SORCS1: variants seen among roughly 807,000 people sequenced by gnomAD.
SORCS1 encodes the protein sortilin related VPS10 domain containing receptor 1, also known as VPS10 domain-containing receptor SorCS1.
In SORCS1, 60 loss-of-function variants were observed where a neutral mutation model predicts 146.1. That is an observed-to-expected ratio of 0.41 (90% CI 0.33 to 0.51). SORCS1 has a LOEUF of 0.51. Among genes scored for constraint, SORCS1 ranks in the 20% least tolerant of loss-of-function variants. The pLI is 0.21. For missense variants in SORCS1, 1,352 were observed against 1,487.6 expected (o/e 0.91, Z 1.50); for synonymous variants, 637 against 584.0 (o/e 1.09, Z -1.31).
intron 1 of SORCS1, among the ~76,000 whole-genome samples, chr10:107,109,737 G>T (rs2134445329): frequency 6.6e-6 from 1 of 152,300 alleles, no homozygotes; most frequent in Admixed American, 6.5e-5. Context: ...TCCTGAGAAA[G>T]CTTATCCTTT....
intron 2 of SORCS1, among the ~76,000 whole-genome samples, chr10:106,950,790 C>G (rs1266500093): frequency 6.6e-6 from 1 of 152,128 alleles, no homozygotes; most frequent in Non-Finnish European, 1.5e-5. Flanking sequence ...TAGGCTACTA[C>G]TTGCTAATTG....
At chr10:106,831,242 A>C (rs1187386648) in intron 2 of SORCS1, among the ~76,000 whole-genome samples, 1 of 152,092 alleles carries the variant, frequency 6.6e-6, no homozygotes, top group Non-Finnish European at 1.5e-5. Context: ...ATAGACATAA[A>C]ATGATATAAA....
At chr10:106,642,461 G>C (rs1849136940) in intron 18 of SORCS1, among the ~76,000 whole-genome samples, 1 of 152,090 alleles carries the variant, frequency 6.6e-6, no homozygotes, top group Non-Finnish European at 1.5e-5. Context: ...ATTGATATCA[G>C]AAATGGGGCA....
Position 107,164,017 on chromosome 10 carries a change from G to A in SORCS1, c.510C>T (p.Asp170=). The part of the protein sequence containing the change: ...LTSTTFALTG[D]SAHNQAMVHW... The stretch of plus-strand genomic sequence containing the variant: ...GGACCATGGCTTGGTTGTGTGCTGA[G>A]TCTCCCGTCAGCGCAAACGTGGTGC... The change falls in exon 1 of 26, where the codon GAC becomes GAT. Residue 170 remains aspartate (D), a synonymous_variant. Coordinates refer to ENST00000263054, the MANE Select transcript of SORCS1 (RefSeq NM_052918.5). The surrounding 1 kb of genome is among the most constrained non-coding windows in gnomAD (Gnocchi z 6.8). The A allele has an allele frequency of 6.2e-7, 1 of 1,614,068 alleles. No individual in the cohort carries two copies. The highest frequency in any genetic ancestry group is 2.2e-5 in the East Asian group (1 of 44,868).
intron 2 of SORCS1, among the ~76,000 whole-genome samples, chr10:106,927,382 C>G (rs185298280): frequency 6.6e-6 from 1 of 152,100 alleles, no homozygotes; most frequent in African/African-American, 2.4e-5. Context: ...CCGGTGGGTT[C>G]GTGGTCTCGT....
At chr10:106,924,202 C>T (rs571684546) in intron 2 of SORCS1, among the ~76,000 whole-genome samples, 11 of 148,030 alleles carry the variant, frequency 7.4e-5, no homozygotes, top group Admixed American at 4.8e-4. Context: ...TGCAGTGAGC[C>T]GAAATCGTGC....
chr10:106,860,418 G>A (rs950517331), intron 2 of SORCS1, among the ~76,000 whole-genome samples: 16 of 152,108 alleles, frequency 1.1e-4, no homozygotes, highest in East Asian at 3.9e-4. Context: ...TGAATTATGC[G>A]GTTTATGAAT....
At chr10:106,620,395 T>C in intron 20 of SORCS1, 33 bp downstream of exon 20, 3 of 1,593,958 alleles carry the variant, frequency 1.9e-6, no homozygotes, top group Non-Finnish European at 2.6e-6. Flanking sequence ...ATTGAGCTTC[T>C]GTCCCTAGAT....
intron 1 of SORCS1, among the ~76,000 whole-genome samples, chr10:107,082,668 T>C (rs561209995): frequency 2.9e-4 from 44 of 152,088 alleles, no homozygotes; most frequent in African/African-American, 9.2e-4. Flanking sequence ...TTTTGGTAGA[T>C]ACCGGGTTTC....
intron 2 of SORCS1, among the ~76,000 whole-genome samples, chr10:106,838,299 A>C (rs984086505): frequency 6.6e-6 from 1 of 152,162 alleles, no homozygotes; most frequent in Non-Finnish European, 1.5e-5. Flanking sequence ...GAGCAGTTTC[A>C]GGTCCACAGC....
At chr10:106,968,053 A>G (rs1205998358) in intron 1 of SORCS1, among the ~76,000 whole-genome samples, 1 of 151,788 alleles carries the variant, frequency 6.6e-6, no homozygotes, top group East Asian at 1.9e-4. Context: ...AGAAAAAAAA[A>G]AAAAAAGTTA....
intron 8 of SORCS1, among the ~76,000 whole-genome samples, chr10:106,700,782 A>G (rs1367824790): frequency 1.3e-5 from 2 of 152,228 alleles, no homozygotes; most frequent in South Asian, 2.1e-4. Context: ...GGAGAAGTCC[A>G]TATCCAAAGG....
upstream of SORCS1, among the ~76,000 whole-genome samples, chr10:107,164,785 C>A (rs1242293616): frequency 6.7e-6 from 1 of 148,282 alleles, no homozygotes; most frequent in Non-Finnish European, 1.5e-5. The surrounding 1 kb of genome is among the most constrained non-coding windows in gnomAD (Gnocchi z 6.8). Flanking sequence ...GGAGCGGGCG[C>A]GGGCGCTGGC....
chr10:106,850,723 C>T (rs1373453562), intron 2 of SORCS1, among the ~76,000 whole-genome samples: 2 of 152,178 alleles, frequency 1.3e-5, no homozygotes, highest in African/African-American at 4.8e-5. Context: ...CAATATTCCT[C>T]AGAGCTCCAA....
intron 2 of SORCS1, among the ~76,000 whole-genome samples, chr10:106,895,867 CT>C (rs2137975273): frequency 6.6e-6 from 1 of 152,222 alleles, no homozygotes; most frequent in Non-Finnish European, 1.5e-5. Context: ...ACAATAGCAA[CT>C]CAACTACTCA....
chr10:106,985,639 C>T (rs1000635118), intron 1 of SORCS1, among the ~76,000 whole-genome samples: 5 of 151,246 alleles, frequency 3.3e-5, no homozygotes, highest in East Asian at 1.9e-4. Flanking sequence ...CGGGTTCAAG[C>T]GATTCTCCTG....
chr10:107,152,184 G>A (rs1485872787), intron 1 of SORCS1, among the ~76,000 whole-genome samples: 1 of 152,206 alleles, frequency 6.6e-6, no homozygotes, highest in Non-Finnish European at 1.5e-5. Context: ...CCCTGTGGGT[G>A]TGCAGAAGAC....
chr10:106,912,257 G>C (rs2138256164), intron 2 of SORCS1, among the ~76,000 whole-genome samples: 1 of 152,228 alleles, frequency 6.6e-6, no homozygotes, highest in South Asian at 2.1e-4. Context: ...TCCAATTATT[G>C]TGCTTAGTTT....
intron 4 of SORCS1, among the ~76,000 whole-genome samples, chr10:106,763,604 A>T (rs1393037074): frequency 1.3e-5 from 2 of 152,342 alleles, no homozygotes; most frequent in East Asian, 3.9e-4. Flanking sequence ...CCACTCTGGC[A>T]GAAGTGGCTT....
Sources: allele counts gnomAD v4.1 joint callset (sites outside exome capture counted in the v4.1 genomes callset), GRCh38; gene constraint gnomAD v4.1.1; non-coding constraint Gnocchi (gnomAD v3.1); transcripts MANE v1.5; gene names NCBI Gene and HGNC (gene_info 2026-07-23, HGNC 2026-07-21).